The following CLSTN2 variants were observed in gnomAD, a reference collection of about 807,000 sequenced individuals.
CLSTN2 encodes the protein calsyntenin-2.
A neutral mutation model predicts 101.2 loss-of-function variants in CLSTN2; 48 were observed. The observed-to-expected ratio is 0.47, with a 90% CI of 0.38 to 0.60. The LOEUF (loss-of-function observed/expected upper bound fraction) is 0.60, where lower values mean the gene tolerates loss of function less well. CLSTN2 is among the 20% of genes least tolerant of loss of function. The pLI is 0.00. For synonymous variants in CLSTN2, 481 were observed against 463.6 expected, an observed-to-expected ratio of 1.04 and a Z score of -0.48; for missense variants, 1,160 against 1,238.2, an observed-to-expected ratio of 0.94 and a Z score of 0.95.
At chr3:139,965,368 A>G (rs1413304605) in intron 1 of CLSTN2, among the ~76,000 whole-genome samples, 1 of 152,124 alleles carries the variant, frequency 6.6e-6, no homozygotes, top group Non-Finnish European at 1.5e-5. Context: ...TGAGAAAGTC[A>G]TGGTTCCTGA....
At chr3:140,501,958 T>G (rs1934584817) in intron 8 of CLSTN2, among the ~76,000 whole-genome samples, 1 of 152,178 alleles carries the variant, frequency 6.6e-6, no homozygotes. Context: ...AGACACAAAC[T>G]CATTGTGTGA....
intron 8 of CLSTN2, among the ~76,000 whole-genome samples, chr3:140,490,353 T>C (rs2107757032): frequency 6.6e-6 from 1 of 150,884 alleles, no homozygotes; most frequent in South Asian, 2.1e-4. Context: ...CCCCAGTTCC[T>C]CCATGCTAGA....
intron 2 of CLSTN2, among the ~76,000 whole-genome samples, chr3:140,371,828 T>G (rs2087861055): frequency 1.3e-5 from 2 of 152,188 alleles, no homozygotes; most frequent in African/African-American, 4.8e-5. Flanking sequence ...GCACTTCTGA[T>G]AAGTGGGCAT....
At chr3:140,404,427 A>G (rs981702929) in intron 3 of CLSTN2, 131 bp from the exon 4 acceptor site, 1 of 755,466 alleles carries the variant, frequency 1.3e-6, no homozygotes, top group Non-Finnish European at 2.3e-6. Context: ...CACTCAGACA[A>G]CTGCCACAAT....
At chr3:140,162,845 G>A (rs2010071921) in intron 1 of CLSTN2, among the ~76,000 whole-genome samples, 1 of 152,144 alleles carries the variant, frequency 6.6e-6, no homozygotes, top group African/African-American at 2.4e-5. Flanking sequence ...GGACATCTTA[G>A]AATCTAAGGC....
At chr3:140,143,891 G>C (rs1346519473) in intron 1 of CLSTN2, among the ~76,000 whole-genome samples, 1 of 152,228 alleles carries the variant, frequency 6.6e-6, no homozygotes, top group African/African-American at 2.4e-5. Flanking sequence ...CCTTTGTGCT[G>C]TCTGTCAGCT....
At chr3:140,026,043 T>C (rs530337933) in intron 1 of CLSTN2, among the ~76,000 whole-genome samples, 115 of 152,264 alleles carry the variant, frequency 7.6e-4, no homozygotes, top group African/African-American at 2.7e-3. Flanking sequence ...ATGGGGAGCA[T>C]TGGCAGGTCC....
intron 2 of CLSTN2, among the ~76,000 whole-genome samples, chr3:140,275,321 G>A (rs2086783377): frequency 6.6e-6 from 1 of 151,530 alleles, no homozygotes; most frequent in African/African-American, 2.4e-5. Flanking sequence ...CACCCAGGCT[G>A]GATTGCAGCA....
intron 5 of CLSTN2, among the ~76,000 whole-genome samples, chr3:140,434,021 G>A (rs1241212328): frequency 6.6e-6 from 1 of 152,180 alleles, no homozygotes; most frequent in Non-Finnish European, 1.5e-5. Flanking sequence ...CCTGCTCTCT[G>A]CATGACCCAG....
At chr3:140,189,823 T>A (rs2010534512) in intron 2 of CLSTN2, among the ~76,000 whole-genome samples, 1 of 152,160 alleles carries the variant, frequency 6.6e-6, no homozygotes, top group Non-Finnish European at 1.5e-5. Flanking sequence ...TTTCCTCCAT[T>A]GAATTGCACC....
chr3:140,076,531 CTGA>C lies in CLSTN2; in HGVS notation c.110-99417_110-99415del, dbSNP rs200768414. 3.2e-3 allele frequency among the ~76,000 whole-genome samples: 476 copies of C among 148,918 alleles called. 2 individuals carry two copies. Among genetic ancestry groups the C allele is most frequent in the Middle Eastern group, 0.011 (3 of 280 alleles). Reference sequence around the variant, plus strand: ...TGTGAATTTCATGTCACTTGAGTGGCTGATGGATGTCAATGCCGGCCTCCCACA... The same window carrying C: ...TGTGAATTTCATGTCACTTGAGTGGCTGGATGTCAATGCCGGCCTCCCACA... On this transcript the variant is annotated intron_variant, in intron 1 of 16. Transcript: ENST00000458420.
intron 2 of CLSTN2, among the ~76,000 whole-genome samples, chr3:140,197,136 C>T (rs2010655978): frequency 6.6e-6 from 1 of 152,166 alleles, no homozygotes; most frequent in African/African-American, 2.4e-5. Context: ...TCTTTCTTTC[C>T]TCTAAATGTG....
intron 3 of CLSTN2, 61 bp from the exon 4 acceptor site, chr3:140,404,497 A>T: frequency 6.7e-7 from 1 of 1,492,780 alleles, no homozygotes; most frequent in Admixed American, 1.7e-5. Context: ...CCCAGGAGGT[A>T]CAGGAGGTTG....
intron 1 of CLSTN2, among the ~76,000 whole-genome samples, chr3:140,062,555 C>T (rs1292047670): frequency 6.6e-6 from 1 of 152,124 alleles, no homozygotes; most frequent in Non-Finnish European, 1.5e-5. Context: ...TGTTTGTAAC[C>T]AGCTCCCTGG....
At chr3:140,444,897 C>A (rs1933039279) in intron 5 of CLSTN2, among the ~76,000 whole-genome samples, 1 of 152,182 alleles carries the variant, frequency 6.6e-6, no homozygotes, top group African/African-American at 2.4e-5. Context: ...GAGGGACAGA[C>A]ATTTCTTGTG....
In CLSTN2 at chr3:140,567,849, G is replaced by A. The variant is rs1013291862; in HGVS notation, c.*1596G>A. On this transcript the variant is annotated 3_prime_UTR_variant, in exon 17 of 17. Coordinates refer to ENST00000458420, the MANE Select transcript of CLSTN2 (RefSeq NM_022131.3). ...GTGTCATCAAAACAGCTTAAGAAGGGGACTACTGCCAATGTCCTCTAGTCT... is the reference window on the plus strand; with the variant it reads ...GTGTCATCAAAACAGCTTAAGAAGGAGACTACTGCCAATGTCCTCTAGTCT... 1 of 152,120 alleles carries A rather than the reference G, an allele frequency of 6.6e-6. No individual in the cohort carries two copies. Among genetic ancestry groups the A allele is most frequent in the East Asian group, 1.9e-4 (1 of 5,198 alleles). 9.4% of individuals were successfully genotyped at this position (152,120 alleles called of 1,614,324 possible). A position where few individuals can be genotyped will look rare whatever the true frequency, so the allele number is the denominator to read the frequency against.
At chr3:140,309,517 G>A (rs370169588) in intron 2 of CLSTN2, among the ~76,000 whole-genome samples, 63 of 152,182 alleles carry the variant, frequency 4.1e-4, no homozygotes, top group African/African-American at 1.4e-3. Flanking sequence ...TAACATCACA[G>A]TATCATGGAG....
intron 8 of CLSTN2, among the ~76,000 whole-genome samples, chr3:140,501,878 A>G: frequency 6.6e-6 from 1 of 152,206 alleles, no homozygotes; most frequent in East Asian, 1.9e-4. Context: ...ATGATTCTAC[A>G]TTTCTAACCA....
chr3:140,197,425 C>T (rs1200569068), intron 2 of CLSTN2, among the ~76,000 whole-genome samples: 1 of 152,122 alleles, frequency 6.6e-6, no homozygotes, highest in Non-Finnish European at 1.5e-5. Context: ...TTCATTTTCA[C>T]CAATCACATG....
Sources: gnomAD v4.1 joint callset for allele counts (sites outside exome capture counted in the v4.1 genomes callset) on GRCh38, gnomAD v4.1.1 for gene constraint, MANE v1.5 for transcripts, NCBI Gene and HGNC (gene_info 2026-07-23, HGNC 2026-07-21) for gene names.